ARHGAP23: variants seen among roughly 807,000 people sequenced by gnomAD.
ARHGAP23 encodes rho GTPase-activating protein 23.
ARHGAP23 carries 34 observed loss-of-function variants against 136.3 expected under a neutral mutation model. The ratio of observed to expected loss-of-function variants is 0.25; its 90% CI spans 0.19 to 0.33. The LOEUF is 0.33. Ranked by LOEUF, ARHGAP23 falls within the 10% of genes least tolerant of loss-of-function variation. The pLI, the probability that ARHGAP23 is intolerant of heterozygous loss-of-function variation, is 1.00. For missense variants in ARHGAP23, 1,808 were observed against 2,139.0 expected (o/e 0.85, Z 3.05); for synonymous variants, 832 against 920.5 (o/e 0.90, Z 1.74).
intron 23 of ARHGAP23, among the ~76,000 whole-genome samples, chr17:38,502,990 A>C (rs1159843454): frequency 6.6e-6 from 1 of 152,138 alleles, no homozygotes; most frequent in Non-Finnish European, 1.5e-5. Context: ...GGCTGCAGTG[A>C]TGAGCCGTGA....
At chr17:38,465,073 T>G in intron 6 of ARHGAP23, among the ~76,000 whole-genome samples, 1 of 141,200 alleles carries the variant, frequency 7.1e-6, no homozygotes, top group Non-Finnish European at 1.5e-5. Context: ...AACACAGTGG[T>G]CAGTGGCGGG....
intron 1 of ARHGAP23, among the ~76,000 whole-genome samples, chr17:38,423,378 G>GTT (rs570711820): frequency 7.0e-6 from 1 of 143,880 alleles, no homozygotes; most frequent in African/African-American, 2.5e-5. Context: ...TTTGCTTTTT[G>GTT]TTTTTTTTTT....
At position 38,477,875 on chromosome 17, in the gene ARHGAP23, G is replaced by A. The variant is rs2039935175; in HGVS notation, c.2415G>A (p.Glu805=). The A allele has an allele frequency of 1.3e-6, 2 of 1,548,386 alleles. No homozygotes were observed. Among genetic ancestry groups the A allele is most frequent in the South Asian group, 1.2e-5 (1 of 83,980 alleles). Residue 805 remains glutamate (E), a synonymous_variant, in exon 12 of 24, where the codon GAG becomes GAA. Coordinates refer to ENST00000622683, the MANE Select transcript of ARHGAP23 (RefSeq NM_001199417.2). This position sits in a 1 kb window ranked among gnomAD's most constrained non-coding sequence, Gnocchi z 6.6. The stretch of plus-strand genomic sequence containing the variant: ...TGGGCTGGATCAGAGCGATCCGGGA[G>A]AACAGCAGGGCCGAGGGCGAGGTGA... ...DMLGWIRAIR[E]NSRAEGEDPG...
intron 1 of ARHGAP23, among the ~76,000 whole-genome samples, chr17:38,433,100 A>T (rs541248560): frequency 3.0e-4 from 45 of 152,268 alleles, no homozygotes; most frequent in African/African-American, 9.9e-4. Flanking sequence ...CTACAGGTGC[A>T]TGCCACCATG....
In ARHGAP23 at chr17:38,477,775, G is replaced by A; in HGVS notation, c.2315G>A (p.Arg772Lys). Residue 772 changes from arginine to lysine, a missense_variant, in exon 12 of 24, where the codon AGG becomes AAG. Transcript: ENST00000622683. The surrounding 1 kb of genome is among the most constrained non-coding windows in gnomAD (Gnocchi z 6.6). ...GACATCTCCTACAGCGAGACCAAGAGGAGGCACGTGTTCCGGCTGACCACC... is the reference window on the plus strand; with the variant it reads ...GACATCTCCTACAGCGAGACCAAGAAGAGGCACGTGTTCCGGCTGACCACC... ...LVDISYSETK[R>K]RHVFRLTTAD... is the part of the protein sequence containing the mutation. The A allele has an allele frequency of 6.5e-7, 1 of 1,549,944 alleles. No individual in the cohort carries two copies. Among genetic ancestry groups the A allele is most frequent in the South Asian group, 1.2e-5 (1 of 84,050 alleles).
chr17:38,441,017 A>ACC, intron 1 of ARHGAP23, among the ~76,000 whole-genome samples: 1 of 152,216 alleles, frequency 6.6e-6, no homozygotes, highest in African/African-American at 2.4e-5. Context: ...AGCCTGGGAA[A>ACC]TGCAGCTGCA....
chr17:38,441,988 G>A (rs921629482), intron 1 of ARHGAP23, among the ~76,000 whole-genome samples: 1 of 151,920 alleles, frequency 6.6e-6, no homozygotes, highest in African/African-American at 2.4e-5. Flanking sequence ...CCTGGATCTG[G>A]CTCTGTCGCC....
At chr17:38,491,297 C>T (rs2040273406) in intron 19 of ARHGAP23, 110 bp from the exon 20 acceptor site, 1 of 1,443,318 alleles carries the variant, frequency 6.9e-7, no homozygotes, top group Non-Finnish European at 9.4e-7. Flanking sequence ...TGTCCACCCT[C>T]TAAGCTGGGG....
intron 23 of ARHGAP23, among the ~76,000 whole-genome samples, chr17:38,506,142 T>C (rs1397480051): frequency 6.6e-6 from 1 of 152,234 alleles, no homozygotes; most frequent in African/African-American, 2.4e-5. Context: ...TCATCGCTGA[T>C]TCCTAAGTTT....
chr17:38,434,715 TTC>T (rs1257728214), intron 1 of ARHGAP23, among the ~76,000 whole-genome samples: 2 of 152,212 alleles, frequency 1.3e-5, no homozygotes, highest in African/African-American at 2.4e-5. Context: ...CCGAGAGTGT[TTC>T]TGTCTCCTAT....
chr17:38,508,664 C>T (rs987013609), intron 23 of ARHGAP23, among the ~76,000 whole-genome samples: 13 of 151,926 alleles, frequency 8.6e-5, no homozygotes, highest in African/African-American at 1.9e-4. Flanking sequence ...GAGGGCCTGC[C>T]GGAGGAGGAG....
chr17:38,429,708 CG>C (rs781048676), intron 1 of ARHGAP23, among the ~76,000 whole-genome samples: 1 of 151,218 alleles, frequency 6.6e-6, no homozygotes, highest in East Asian at 2.0e-4. Context: ...TCAGGATGGA[CG>C]GGGGGTGGGG....
At chr17:38,483,594 C>T (rs964726793) in intron 16 of ARHGAP23, among the ~76,000 whole-genome samples, 20 of 152,236 alleles carry the variant, frequency 1.3e-4, no homozygotes, top group African/African-American at 4.6e-4. Context: ...AAACCGTGAA[C>T]GTGGGCAGTG....
At chr17:38,461,839 T>G (rs1480741129) in intron 3 of ARHGAP23, among the ~76,000 whole-genome samples, 3 of 152,198 alleles carry the variant, frequency 2.0e-5, no homozygotes, top group African/African-American at 7.2e-5. Flanking sequence ...TATGGCCTCT[T>G]GTATGGCGCC....
rs186701726 is a variant in ARHGAP23 at position 38,458,272 on chromosome 17, G to C, written c.225+9G>C. On this transcript the variant is annotated intron_variant, in intron 2 of 23. Transcript: ENST00000622683. Reference sequence around the variant, plus strand: ...TGCACTGCAGCCTGAAGGTATGCCCGGCTCGCCGCTGCCCTGGTCTGGGGA... The same window carrying C: ...TGCACTGCAGCCTGAAGGTATGCCCCGCTCGCCGCTGCCCTGGTCTGGGGA... 120 of 1,508,064 alleles carry C rather than the reference G, an allele frequency of 8.0e-5. 3 individuals carry two copies. In the Middle Eastern group the frequency reaches 9.1e-3, roughly 114 times the overall value. 93.4% of individuals were successfully genotyped at this position (1,508,064 alleles called of 1,614,324 possible).
Position 38,481,442 on chromosome 17 carries a change from C to T in ARHGAP23, c.2630-580C>T, listed in dbSNP as rs1366026284. On this transcript the variant is annotated intron_variant, in intron 14 of 23. Coordinates refer to ENST00000622683, the MANE Select transcript of ARHGAP23 (RefSeq NM_001199417.2). ...GATTACAGGCGTAAGCCACCGCGCC[C>T]GGCCCACGCCCGGCTAATTTTTGTA... Among the ~76,000 whole-genome samples, 7 of 152,082 alleles carry T rather than the reference C, an allele frequency of 4.6e-5. No individual in the cohort carries two copies. The East Asian group carries it at 7.7e-4, about 17-fold the overall frequency.
At chr17:38,459,019 G>A (rs928039789) in intron 2 of ARHGAP23, among the ~76,000 whole-genome samples, 8 of 152,220 alleles carry the variant, frequency 5.3e-5, no homozygotes, top group African/African-American at 1.4e-4. Context: ...CCCTGACAGC[G>A]AAGCAGAAGT....
At position 38,469,660 on chromosome 17, in the gene ARHGAP23, T is replaced by G. The variant is rs540396812; in HGVS notation, c.1916+25T>G. On this transcript the variant is annotated intron_variant, in intron 9 of 23. Coordinates refer to ENST00000622683, the MANE Select transcript of ARHGAP23 (RefSeq NM_001199417.2). ...GGTGAGGCCCTGTCCGGACACGGGG[T>G]GGGGTGGCCACAGCCACCGTGGCCA... is the stretch of plus-strand genomic sequence containing the variant. 6.4e-5 allele frequency: 99 copies of G among 1,545,484 alleles called. 1 individual carries two copies. The East Asian group carries it at 2.0e-3, about 31-fold the overall frequency.
At chr17:38,496,140 C>T (rs140023337) in intron 20 of ARHGAP23, among the ~76,000 whole-genome samples, 1,942 of 152,142 alleles carry the variant, frequency 0.013, 21 homozygotes, top group African/African-American at 0.032. Flanking sequence ...TCAGGTGATC[C>T]GCCCGCCTCA....
Sources: allele counts gnomAD v4.1 joint callset (sites outside exome capture counted in the v4.1 genomes callset), GRCh38; gene constraint gnomAD v4.1.1; non-coding constraint Gnocchi (gnomAD v3.1); transcripts MANE v1.5; gene names NCBI Gene and HGNC (gene_info 2026-07-23, HGNC 2026-07-21).